The following OPCML variants were observed in gnomAD, a reference collection of about 807,000 sequenced individuals.
OPCML encodes the protein opioid-binding protein/cell adhesion molecule.
In OPCML, 13 loss-of-function variants were observed where a neutral mutation model predicts 37.8. That is an observed-to-expected ratio of 0.34 (90% CI 0.22 to 0.55). The LOEUF (loss-of-function observed/expected upper bound fraction) is 0.55. Ranked by LOEUF, OPCML falls within the 20% of genes least tolerant of loss-of-function variation. OPCML has a pLI of 0.91. For missense variants in OPCML, 341 were observed against 435.6 expected, an observed-to-expected ratio of 0.78 and a Z score of 1.93; for synonymous variants, 176 against 168.8, an observed-to-expected ratio of 1.04 and a Z score of -0.33.
At chr11:133,372,617 C>A (rs1041744777) in intron 1 of OPCML, among the ~76,000 whole-genome samples, 7 of 152,178 alleles carry the variant, frequency 4.6e-5, no homozygotes, top group Non-Finnish European at 8.8e-5. Context: ...TTTCACAGGA[C>A]TAAGCAAGCT....
intron 1 of OPCML, among the ~76,000 whole-genome samples, chr11:133,255,999 A>AT (rs1204116388): frequency 6.6e-6 from 1 of 152,198 alleles, no homozygotes; most frequent in Non-Finnish European, 1.5e-5. Context: ...TTATTCTGTC[A>AT]TTCACCTACT....
At chr11:132,435,370 G>T (rs2096009582) in intron 7 of OPCML, 2 of 369,874 alleles carry the variant, frequency 5.4e-6, no homozygotes, top group African/African-American at 2.2e-5. Flanking sequence ...CTCATCGGAT[G>T]CTTCCCTCTA....
At chr11:133,138,745 G>C (rs572661730) in intron 1 of OPCML, among the ~76,000 whole-genome samples, 1 of 151,996 alleles carries the variant, frequency 6.6e-6, no homozygotes, top group Non-Finnish European at 1.5e-5. Context: ...CCAAAGCTGC[G>C]TCTTAGAGCG....
intron 1 of OPCML, among the ~76,000 whole-genome samples, chr11:133,056,487 C>A (rs1168697588): frequency 6.6e-6 from 1 of 152,110 alleles, no homozygotes; most frequent in Non-Finnish European, 1.5e-5. Flanking sequence ...CCAAAATAAA[C>A]CAGGACACAT....
chr11:132,553,626 G>T (rs1565659548), intron 3 of OPCML, among the ~76,000 whole-genome samples: 1 of 152,174 alleles, frequency 6.6e-6, no homozygotes, highest in Non-Finnish European at 1.5e-5. Flanking sequence ...TCTAGGCAGA[G>T]ATTCTTATAA....
chr11:132,830,800 G>A (rs1004158372), intron 2 of OPCML, among the ~76,000 whole-genome samples: 5 of 152,088 alleles, frequency 3.3e-5, no homozygotes, highest in South Asian at 2.1e-4. Flanking sequence ...ACATACACGC[G>A]TGCTTTCTTC....
At chr11:133,122,887 T>C (rs1949443311) in intron 1 of OPCML, among the ~76,000 whole-genome samples, 1 of 152,206 alleles carries the variant, frequency 6.6e-6, no homozygotes, top group Non-Finnish European at 1.5e-5. Flanking sequence ...CAGCGAGTAA[T>C]TCTATTCTCC....
At chr11:132,454,837 C>G (rs1225316647) in intron 4 of OPCML, among the ~76,000 whole-genome samples, 4 of 152,094 alleles carry the variant, frequency 2.6e-5, no homozygotes, top group African/African-American at 9.7e-5. Context: ...GTATGCACAC[C>G]CCCTAGAAGG....
chr11:133,453,079 G>A (rs1029098729), intron 1 of OPCML, among the ~76,000 whole-genome samples: 17 of 152,176 alleles, frequency 1.1e-4, no homozygotes, highest in African/African-American at 3.6e-4. Flanking sequence ...GGATGCTCTA[G>A]TTGAAAGTAA....
chr11:132,618,687 A>G (rs80194405), intron 3 of OPCML, among the ~76,000 whole-genome samples: 12,066 of 152,214 alleles, frequency 0.079, 901 homozygotes, highest in African/African-American at 0.19. Flanking sequence ...TACATAATAT[A>G]AAATTTGCTA....
At chr11:132,830,323 C>A (rs957133966) in intron 2 of OPCML, among the ~76,000 whole-genome samples, 1 of 152,166 alleles carries the variant, frequency 6.6e-6, no homozygotes, top group Non-Finnish European at 1.5e-5. Context: ...TTCATAAGTT[C>A]ATCTCAACAT....
intron 2 of OPCML, among the ~76,000 whole-genome samples, chr11:132,737,882 A>G (rs1023445041): frequency 1.3e-5 from 2 of 152,254 alleles, no homozygotes; most frequent in Admixed American, 6.5e-5. Flanking sequence ...AAGTGGAAAC[A>G]GTGGCATTTG....
At chr11:132,898,686 C>A (rs1161693395) in intron 2 of OPCML, among the ~76,000 whole-genome samples, 1 of 152,180 alleles carries the variant, frequency 6.6e-6, no homozygotes, top group Non-Finnish European at 1.5e-5. Context: ...AGTGTCACCA[C>A]TCACCAATAC....
rs1265341606 is a variant in OPCML at position 133,076,247 on chromosome 11, TTCTG to T, written c.62-133241_62-133238del. On this transcript the variant is annotated intron_variant, in intron 1 of 7. Transcript: ENST00000524381. ...TACCTTTGGAAAACAAATTGGCTACTTCTGTCTAATTCTATATTAACTTTTCTAA... is the reference window on the plus strand; with the variant it reads ...TACCTTTGGAAAACAAATTGGCTACTTCTAATTCTATATTAACTTTTCTAA... Among the ~76,000 whole-genome samples, 21 of 152,346 alleles carry T rather than the reference TTCTG, an allele frequency of 1.4e-4. No homozygotes were observed. The East Asian group carries it at 2.7e-3, about 20-fold the overall frequency.
chr11:133,280,820 G>A (rs1942126824), intron 1 of OPCML, among the ~76,000 whole-genome samples: 1 of 152,178 alleles, frequency 6.6e-6, no homozygotes, highest in Non-Finnish European at 1.5e-5. Context: ...TTTCAAGAAA[G>A]TGAGGACTTC....
At chr11:132,942,718 A>T (rs1010686385) in intron 2 of OPCML, among the ~76,000 whole-genome samples, 3 of 152,186 alleles carry the variant, frequency 2.0e-5, no homozygotes, top group Admixed American at 6.5e-5. Context: ...TTCACGCATA[A>T]GATCCTGGAC....
chr11:132,654,190 T>A (rs575602600), intron 3 of OPCML, among the ~76,000 whole-genome samples: 4 of 152,214 alleles, frequency 2.6e-5, no homozygotes, highest in Non-Finnish European at 4.4e-5. Context: ...GTAATTCAAC[T>A]GTCTTCCAAA....
At chr11:133,500,453 C>T (rs1353239713) in intron 1 of OPCML, among the ~76,000 whole-genome samples, 30 of 152,198 alleles carry the variant, frequency 2.0e-4, no homozygotes, top group Non-Finnish European at 5.9e-5. Flanking sequence ...TTTAAATACT[C>T]CAATGTCATT....
chr11:132,525,606 C>A (rs906529612), intron 4 of OPCML, among the ~76,000 whole-genome samples: 2 of 152,160 alleles, frequency 1.3e-5, no homozygotes, highest in African/African-American at 4.8e-5. Flanking sequence ...TCCCTAATTG[C>A]AAGTGAGAAG....
Sources: allele counts gnomAD v4.1 joint callset (sites outside exome capture counted in the v4.1 genomes callset), GRCh38; gene constraint gnomAD v4.1.1; transcripts MANE v1.5; gene names NCBI Gene and HGNC (gene_info 2026-07-23, HGNC 2026-07-21).